The following ZFHX4 variants were observed in gnomAD, a reference collection of about 807,000 sequenced individuals.
The protein encoded by ZFHX4 is zinc finger homeobox protein 4.
ZFHX4 carries 56 observed loss-of-function variants against 267.6 expected under a neutral mutation model. That is an observed-to-expected ratio of 0.21 (90% CI 0.17 to 0.26). ZFHX4 has a LOEUF of 0.26. Ranked by LOEUF, ZFHX4 falls within the 10% of genes least tolerant of loss-of-function variation. The probability of loss-of-function intolerance (pLI) is 1.00; values close to 1 mark genes in which losing one functional copy is unlikely to be tolerated. For synonymous variants in ZFHX4, 1,778 were observed against 1,665.6 expected (o/e 1.07, Z -1.64); for missense variants, 4,332 against 4,420.0 (o/e 0.98, Z 0.56).
At position 76,852,143 on chromosome 8, in the gene ZFHX4, T is replaced by G; in HGVS notation, c.5222T>G (p.Phe1741Cys). The G allele has an allele frequency of 6.2e-7, 1 of 1,613,912 alleles. No homozygotes were observed. Among genetic ancestry groups the G allele is most frequent in the Non-Finnish European group, 8.5e-7 (1 of 1,179,878 alleles). Residue 1741 changes from phenylalanine to cysteine, a missense_variant, in exon 10 of 11, where the codon TTT (phenylalanine) becomes TGT (cysteine). By Grantham distance (205) the Phe-to-Cys change is radical (BLOSUM62 -2). Transcript: ENST00000651372. ...QFQQPQFLFP[F>C]YIPGTEFSLG... ...CAGCAGCCTCAGTTTCTCTTTCCAT[T>G]TTATATACCTGGGACGGAGTTCAGC...
At chr8:76,861,682 C>T (rs1812871079) in intron 10 of ZFHX4, among the ~76,000 whole-genome samples, 1 of 151,670 alleles carries the variant, frequency 6.6e-6, no homozygotes, top group African/African-American at 2.4e-5. Context: ...AATTAAGAAA[C>T]TATGGAGGTT....
intron 10 of ZFHX4, 69 bp downstream of exon 10, chr8:76,856,369 A>G (rs761311663): frequency 1.3e-6 from 2 of 1,551,832 alleles, no homozygotes; most frequent in African/African-American, 2.7e-5. Flanking sequence ...CATGTAACCA[A>G]GAACGGGGTG....
At chr8:76,700,890 T>C (rs1468670456) in intron 1 of ZFHX4, among the ~76,000 whole-genome samples, 2 of 152,204 alleles carry the variant, frequency 1.3e-5, no homozygotes, top group African/African-American at 4.8e-5. Context: ...AAAATCACCT[T>C]AAATGGTGAA....
chr8:76,781,694 A>T (rs1344775640), intron 4 of ZFHX4, among the ~76,000 whole-genome samples: 1 of 152,090 alleles, frequency 6.6e-6, no homozygotes, highest in African/African-American at 2.4e-5. Context: ...TGATATTTAA[A>T]TGTAGGACTA....
chr8:76,863,319 T>A lies in ZFHX4; in HGVS notation c.9605T>A (p.Ile3202Asn). The A allele has an allele frequency of 1.9e-6, 3 of 1,612,154 alleles. No homozygotes were observed. Among genetic ancestry groups the A allele is most frequent in the East Asian group, 2.2e-5 (1 of 44,788 alleles). The change falls in exon 11 of 11, where the codon ATC (isoleucine) becomes AAC (asparagine). Residue 3202 changes from isoleucine (I) to asparagine (N), a missense_variant. Coordinates refer to ENST00000651372, the MANE Select transcript of ZFHX4 (RefSeq NM_024721.5). ...KQTKPNKVKK[I>N]KEEELEATKP... ...ACTAAGCCAAACAAGGTGAAAAAAA[T>A]CAAAGAGGAGGAATTAGAGGCCACC...
At chr8:76,775,232 CTAA>C (rs1383276638) in intron 3 of ZFHX4, among the ~76,000 whole-genome samples, 1 of 152,140 alleles carries the variant, frequency 6.6e-6, no homozygotes, top group Non-Finnish European at 1.5e-5. Flanking sequence ...CTCCAAACCA[CTAA>C]TGAGAAATGT....
intron 3 of ZFHX4, among the ~76,000 whole-genome samples, chr8:76,726,700 C>G (rs1465082901): frequency 6.6e-6 from 1 of 152,096 alleles, no homozygotes; most frequent in African/African-American, 2.4e-5. Flanking sequence ...CGTTGAACTA[C>G]AATGAGAGTA....
At chr8:76,751,417 A>G (rs1809610888) in intron 3 of ZFHX4, among the ~76,000 whole-genome samples, 1 of 152,176 alleles carries the variant, frequency 6.6e-6, no homozygotes, top group Non-Finnish European at 1.5e-5. Flanking sequence ...GGTTTCCACA[A>G]TAGACATCAG....
At chr8:76,725,808 A>G (rs1808836759) in intron 3 of ZFHX4, among the ~76,000 whole-genome samples, 1 of 152,168 alleles carries the variant, frequency 6.6e-6, no homozygotes, top group Non-Finnish European at 1.5e-5. Context: ...TATGACAAAT[A>G]TATCATCCTC....
intron 3 of ZFHX4, among the ~76,000 whole-genome samples, chr8:76,729,376 T>C (rs1312470614): frequency 2.0e-5 from 3 of 152,120 alleles, no homozygotes; most frequent in Non-Finnish European, 4.4e-5. Context: ...TTGTTTTTAT[T>C]TGGTTAGGAA....
intron 3 of ZFHX4, chr8:76,733,514 A>G (rs1809076419): frequency 1.3e-5 from 2 of 152,196 alleles, no homozygotes. Context: ...AAAAAATTTA[A>G]TAACGGATGT....
chr8:76,720,256 G>T (rs896471873), intron 3 of ZFHX4, among the ~76,000 whole-genome samples: 1 of 152,010 alleles, frequency 6.6e-6, no homozygotes, highest in Non-Finnish European at 1.5e-5. Context: ...TCATATAGAT[G>T]GAATCATAGT....
At position 76,854,944 on chromosome 8, in the gene ZFHX4, A is replaced by C. The variant is rs1563564341; in HGVS notation, c.8023A>C (p.Lys2675Gln). The change falls in exon 10 of 11, where the codon AAA becomes CAA. Residue 2675 changes from lysine (K) to glutamine (Q), a missense_variant. Lys to Gln is a moderately conservative substitution (Grantham distance 53). Transcript: ENST00000651372. ...GGCGGTGGGTCCAGCACAGTCTCAT[A>C]AACGGTGTCCGTTTTGCCGAGCCCT... ...FRAVGPAQSH[K>Q]RCPFCRALFK... is the part of the protein sequence containing the mutation. 6.2e-7 allele frequency: 1 copy of C among 1,614,014 alleles called. No homozygotes were observed. Among genetic ancestry groups the C allele is most frequent in the East Asian group, 2.2e-5 (1 of 44,864 alleles).
chr8:76,816,356 C>G (rs1811506087), intron 4 of ZFHX4, among the ~76,000 whole-genome samples: 1 of 152,116 alleles, frequency 6.6e-6, no homozygotes. Context: ...TGATTCTCCC[C>G]TCTCCCACCA....
chr8:76,750,393 TG>T (rs2131704944), intron 3 of ZFHX4, among the ~76,000 whole-genome samples: 1 of 152,296 alleles, frequency 6.6e-6, no homozygotes, highest in Admixed American at 6.5e-5. Flanking sequence ...GATGCTAAAC[TG>T]TGCTCATTTC....
intron 4 of ZFHX4, among the ~76,000 whole-genome samples, chr8:76,783,021 AT>A (rs1166434398): frequency 1.3e-5 from 2 of 152,062 alleles, no homozygotes; most frequent in Non-Finnish European, 1.5e-5. Context: ...GCAGAAGAGC[AT>A]AGAAAGGTCT....
Position 76,851,441 on chromosome 8 carries a change from G to T in ZFHX4, c.4520G>T (p.Ser1507Ile). ...GKASPVGSDS[S>I]SIPDDMGSEP... is the part of the protein sequence containing the mutation. ...GCAAGTCCTGTAGGAAGTGATAGTA[G>T]CTCTATTCCAGATGACATGGGCTCT... Residue 1507 changes from serine (S) to isoleucine (I), a missense_variant, in exon 10 of 11, where the codon AGC becomes ATC. By Grantham distance (142) the Ser-to-Ile change is moderately radical. Coordinates refer to ENST00000651372, the MANE Select transcript of ZFHX4 (RefSeq NM_024721.5). 6 of 1,613,848 alleles carry T rather than the reference G, an allele frequency of 3.7e-6. No homozygotes were observed. Among genetic ancestry groups the T allele is most frequent in the Non-Finnish European group, 5.1e-6 (6 of 1,179,842 alleles).
chr8:76,762,228 G>C (rs1002123505), intron 3 of ZFHX4, among the ~76,000 whole-genome samples: 5 of 152,102 alleles, frequency 3.3e-5, no homozygotes, highest in African/African-American at 1.2e-4. Context: ...GCCTCTTGGA[G>C]ATTATAGGAA....
chr8:76,853,094 C>G lies in ZFHX4; in HGVS notation c.6173C>G (p.Pro2058Arg), dbSNP rs1741218573. The part of the protein sequence containing the change: ...PPPPPPPPPP[P>R]PPPSAPPQVQ... ...CCTCCTCCTCCTCCTCCCCCCCCAC[C>G]TCCTCCACCTTCTGCTCCTCCACAG... Residue 2058 changes from proline (P) to arginine (R), a missense_variant, in exon 10 of 11, where the codon CCT becomes CGT. Around this residue, in one of 7 missense-constraint regions of ZFHX4, gnomAD observed 1,371 missense variants for 1,423.1 expected, o/e 0.96. Transcript: ENST00000651372. 6.6e-7 allele frequency: 1 copy of G among 1,521,012 alleles called. No individual in the cohort carries two copies. Among genetic ancestry groups the G allele is most frequent in the Non-Finnish European group, 8.9e-7 (1 of 1,124,714 alleles). 94.2% of individuals were successfully genotyped at this position (1,521,012 alleles called of 1,614,324 possible).
Sources: allele counts gnomAD v4.1 joint callset (sites outside exome capture counted in the v4.1 genomes callset), GRCh38; gene constraint gnomAD v4.1.1; regional missense constraint gnomAD v4.1.1; transcripts MANE v1.5; gene names NCBI Gene and HGNC (gene_info 2026-07-23, HGNC 2026-07-21).